ASCC2: variants seen among roughly 807,000 people sequenced by gnomAD.
The protein encoded by ASCC2 is ASC-1 complex subunit P100.
A neutral mutation model predicts 93.5 loss-of-function variants in ASCC2; 42 were observed. That is an observed-to-expected ratio of 0.45 (90% CI 0.35 to 0.58). ASCC2 has a LOEUF of 0.58. ASCC2 is among the 20% of genes least tolerant of loss of function. The pLI is 0.00. For synonymous variants in ASCC2, 364 were observed against 384.2 expected (o/e 0.95, Z 0.62); for missense variants, 859 against 977.6 (o/e 0.88, Z 1.62).
chr22:29,817,584 C>T (rs1056289919), intron 5 of ASCC2, among the ~76,000 whole-genome samples: 2 of 152,144 alleles, frequency 1.3e-5, no homozygotes, highest in African/African-American at 4.8e-5. Context: ...CTCTTACAAC[C>T]CCCAGGGCCA....
At chr22:29,801,433 T>G (rs2059067155) in intron 14 of ASCC2, among the ~76,000 whole-genome samples, 1 of 130,456 alleles carries the variant, frequency 7.7e-6, no homozygotes, top group South Asian at 2.3e-4. Context: ...CACAGATCAC[T>G]CAACCTCATT....
Position 29,829,697 on chromosome 22 carries a change from T to TG in ASCC2, c.81+2547dup, listed in dbSNP as rs931669454. Among the ~76,000 whole-genome samples, 129 of 147,472 alleles carry TG rather than the reference T, an allele frequency of 8.7e-4. 1 individual carries two copies. Among genetic ancestry groups the TG allele is most frequent in the African/African-American group, 3.2e-3 (126 of 39,018 alleles). On this transcript the variant is annotated intron_variant, in intron 2 of 19. Coordinates refer to ENST00000307790, the MANE Select transcript of ASCC2 (RefSeq NM_032204.5). ...CTAGGCGACAGAGCAAGACTCTGTC[T>TG]GGGAAAAAAAAAAAATGGTTTTGCC...
chr22:29,828,326 T>C (rs563271767), intron 2 of ASCC2, among the ~76,000 whole-genome samples: 10 of 152,348 alleles, frequency 6.6e-5, no homozygotes, highest in Non-Finnish European at 1.5e-4. Context: ...ATTGTGGACC[T>C]GCCCTGTGCC....
In ASCC2 at chr22:29,818,974, C is replaced by T. The variant is rs1442247477; in HGVS notation, c.542-2901G>A. 2.6e-5 allele frequency among the ~76,000 whole-genome samples: 4 copies of T among 152,276 alleles called. No homozygotes were observed. The South Asian group carries it at 8.3e-4, about 32-fold the overall frequency. Reference sequence around the variant, plus strand: ...CCCACACAGATGTGCCCACCTCCTACAAGGCCTCCTGTCTCCACCCTCCCC... The same window carrying T: ...CCCACACAGATGTGCCCACCTCCTATAAGGCCTCCTGTCTCCACCCTCCCC... On this transcript the variant is annotated intron_variant, in intron 5 of 19. Coordinates refer to ENST00000307790, the MANE Select transcript of ASCC2 (RefSeq NM_032204.5).
chr22:29,792,647 G>A (rs2057902667), intron 17 of ASCC2, 112 bp from the exon 18 acceptor site: 1 of 1,450,498 alleles, frequency 6.9e-7, no homozygotes, highest in Admixed American at 2.1e-5. Context: ...GGCTCAGGAG[G>A]TTGGGAAAAA....
At chr22:29,822,947 T>C (rs190969494) in intron 4 of ASCC2, among the ~76,000 whole-genome samples, 3 of 152,248 alleles carry the variant, frequency 2.0e-5, no homozygotes, top group Admixed American at 2.0e-4. Flanking sequence ...CTCGAACTCC[T>C]GATCTCAAGC....
intron 15 of ASCC2, among the ~76,000 whole-genome samples, chr22:29,794,221 C>T (rs951559783): frequency 6.6e-6 from 1 of 150,652 alleles, no homozygotes; most frequent in Non-Finnish European, 1.5e-5. Context: ...GGGCTGGGCG[C>T]AGTGGCTCAC....
chr22:29,833,804 T>TACC (rs1371847918), intron 1 of ASCC2, among the ~76,000 whole-genome samples: 4 of 151,810 alleles, frequency 2.6e-5, no homozygotes, highest in Non-Finnish European at 5.9e-5. Context: ...GGACATGAGC[T>TACC]ACCAGCTGTG....
intron 2 of ASCC2, 120 bp downstream of exon 2, chr22:29,832,125 G>C (rs923838616): frequency 2.4e-6 from 2 of 841,086 alleles, no homozygotes; most frequent in South Asian, 1.7e-5. Flanking sequence ...CTCAGCTACT[G>C]AATCACCGAC....
In ASCC2 at chr22:29,804,838, G is replaced by A. The variant is rs754856178; in HGVS notation, c.1161-8C>T. 3 of 1,612,698 alleles carry A rather than the reference G, an allele frequency of 1.9e-6. No homozygotes were observed. The highest frequency in any genetic ancestry group is 2.2e-5 in the East Asian group (1 of 44,832). Reference sequence around the variant, plus strand: ...GCAGTCCGCGTCTCGTCCCTGTGAGGACTTGTTAAGGGGTCTGTCTTAAGC... The same window carrying A: ...GCAGTCCGCGTCTCGTCCCTGTGAGAACTTGTTAAGGGGTCTGTCTTAAGC... On this transcript the variant is annotated splice_region_variant and splice_polypyrimidine_tract_variant and intron_variant, in intron 12 of 19. Coordinates refer to ENST00000307790, the MANE Select transcript of ASCC2 (RefSeq NM_032204.5).
intron 2 of ASCC2, among the ~76,000 whole-genome samples, chr22:29,830,830 G>T (rs781201074): frequency 6.6e-6 from 1 of 152,168 alleles, no homozygotes; most frequent in Non-Finnish European, 1.5e-5. Context: ...CCTCCTGTGC[G>T]CCTGGCACTG....
intron 5 of ASCC2, among the ~76,000 whole-genome samples, chr22:29,820,353 G>A (rs991083635): frequency 6.6e-6 from 1 of 151,784 alleles, no homozygotes; most frequent in Non-Finnish European, 1.5e-5. Context: ...TAGTAGAGAC[G>A]GGGTTTCACT....
intron 7 of ASCC2, 130 bp downstream of exon 7, chr22:29,814,527 G>C: frequency 1.5e-6 from 1 of 649,218 alleles, no homozygotes; most frequent in Non-Finnish European, 2.6e-6. Flanking sequence ...CACTGTGCTG[G>C]AGGAAGGGGC....
Position 29,807,219 on chromosome 22 carries a change from G to C in ASCC2, c.909-315C>G, listed in dbSNP as rs1215152174. 4.4e-5 allele frequency among the ~76,000 whole-genome samples: 5 copies of C among 113,972 alleles called. No individual in the cohort carries two copies. In the Admixed American group the frequency reaches 6.0e-4, roughly 14 times the overall value. The allele number at this position is 113,972 out of a possible 152,430, so 74.8% of individuals were successfully genotyped here. A position where few individuals can be genotyped will look rare whatever the true frequency, so the allele number is the denominator to read the frequency against. ...TGGTGCCATTCCAGCCTGGGTGACAGAGCAAGACCCTGTCTCAAAAAAAAA... is the reference window on the plus strand; with the variant it reads ...TGGTGCCATTCCAGCCTGGGTGACACAGCAAGACCCTGTCTCAAAAAAAAA... On this transcript the variant is annotated intron_variant, in intron 9 of 19. Transcript: ENST00000307790.
chr22:29,835,581 T>C (rs2063678629), intron 1 of ASCC2, among the ~76,000 whole-genome samples: 1 of 152,124 alleles, frequency 6.6e-6, no homozygotes, highest in Non-Finnish European at 1.5e-5. Context: ...CTTGAGACAG[T>C]TCCCTAACCT....
intron 14 of ASCC2, among the ~76,000 whole-genome samples, chr22:29,801,577 T>C (rs1169751946): frequency 4.6e-5 from 7 of 152,194 alleles, no homozygotes; most frequent in Non-Finnish European, 1.5e-5. Flanking sequence ...CATGGGGCCT[T>C]CAGGGCAGCA....
chr22:29,807,056 T>A, intron 9 of ASCC2, 152 bp from the exon 10 acceptor site: 1 of 603,930 alleles, frequency 1.7e-6, no homozygotes, highest in Non-Finnish European at 2.9e-6. Flanking sequence ...CCTGAGCAAC[T>A]AAGTGAAATC....
In ASCC2 at chr22:29,832,288, T is replaced by G; in HGVS notation, c.38A>C (p.His13Pro). Residue 13 changes from histidine (H) to proline (P), a missense_variant, in exon 2 of 20, where the codon CAC (histidine) becomes CCC (proline). Physicochemically the swap from His to Pro is moderately conservative, Grantham distance 77. Transcript: ENST00000307790. ...ALPLDQLQITHKDPKTGKLRT... is the reference protein window; with the variant it reads ...ALPLDQLQITPKDPKTGKLRT... ...CAGCTTTCCTGTCTTCGGGTCCTTG[T>G]GGGTGATCTGGAGTTGGTCCAGGGG... is the stretch of plus-strand genomic sequence containing the variant. 6.2e-7 allele frequency: 1 copy of G among 1,614,044 alleles called. No individual in the cohort carries two copies. The highest frequency in any genetic ancestry group is 1.7e-5 in the Admixed American group (1 of 60,004).
intron 6 of ASCC2, 38 bp from the exon 7 acceptor site, chr22:29,814,805 G>A (rs748468153): frequency 6.4e-7 from 1 of 1,559,880 alleles, no homozygotes; most frequent in Admixed American, 1.7e-5. Flanking sequence ...ACATCATACT[G>A]AACCAGGGCT....
Sources: allele counts gnomAD v4.1 joint callset (sites outside exome capture counted in the v4.1 genomes callset), GRCh38; gene constraint gnomAD v4.1.1; transcripts MANE v1.5; gene names NCBI Gene and HGNC (gene_info 2026-07-23, HGNC 2026-07-21).